The following TM9SF1 variants were observed in gnomAD, a reference collection of about 807,000 sequenced individuals.
TM9SF1 encodes MP70 protein family member.
A neutral mutation model predicts 52.4 loss-of-function variants in TM9SF1; 25 were observed. That is an observed-to-expected ratio of 0.48 (90% CI 0.35 to 0.67). TM9SF1 has a LOEUF of 0.67. Among genes scored for constraint, TM9SF1 ranks in the 30% least tolerant of loss-of-function variants. The pLI is 0.01. For missense variants in TM9SF1, 604 were observed against 780.3 expected (o/e 0.77, Z 2.69); for synonymous variants, 284 against 299.8 (o/e 0.95, Z 0.55).
In TM9SF1 at chr14:24,192,672, C is replaced by G; in HGVS notation, c.943G>C (p.Ala315Pro). ...GLLCAVLGVG[A>P]QFLALGTGII... ...CCAGTGCCAAGGGCCAGGAACTGGG[C>G]ACCCACGCCAAGCACAGCACAGAGC... The change falls in exon 3 of 6, where the codon GCC becomes CCC. Residue 315 changes from alanine (A) to proline (P), a missense_variant. By Grantham distance (27) the Ala-to-Pro change is conservative. Coordinates refer to ENST00000261789, the MANE Select transcript of TM9SF1 (RefSeq NM_006405.7). This position sits in a 1 kb window ranked among gnomAD's most constrained non-coding sequence, Gnocchi z 4.0. 2 of 1,575,146 alleles carry G rather than the reference C, an allele frequency of 1.3e-6. No homozygotes were observed. The highest frequency in any genetic ancestry group is 1.7e-6 in the Non-Finnish European group (2 of 1,160,480).
intron 4 of TM9SF1, among the ~76,000 whole-genome samples, 188 bp from the exon 5 acceptor site, chr14:24,190,841 T>C (rs2039310872): frequency 6.7e-6 from 1 of 149,424 alleles, no homozygotes. Context: ...CCCATTATTC[T>C]TTGTTCTGTG....
chr14:24,194,456 C>G (rs1490607984), intron 2 of TM9SF1, among the ~76,000 whole-genome samples: 1 of 152,180 alleles, frequency 6.6e-6, no homozygotes, highest in East Asian at 1.9e-4. Context: ...TTCTGCAAAT[C>G]ACTGTCCATG....
chr14:24,194,602 T>C, intron 2 of TM9SF1, 73 bp downstream of exon 2: 1 of 1,387,332 alleles, frequency 7.2e-7, no homozygotes, highest in East Asian at 2.3e-5. Flanking sequence ...AAAGGTACCC[T>C]GAACCATAAA....
rs191882152 is a variant in TM9SF1, at chr14:24,192,058, G to T, written c.1153+113C>A. ...AACTTTTGGGCTCAAGTGATCCTCCGGCCTCGGTCTCCCAAAGTGCTAGGA... is the reference window on the plus strand; with the variant it reads ...AACTTTTGGGCTCAAGTGATCCTCCTGCCTCGGTCTCCCAAAGTGCTAGGA... On this transcript the variant is annotated intron_variant, in intron 4 of 5. Transcript: ENST00000261789. The surrounding 1 kb of genome is among the most constrained non-coding windows in gnomAD (Gnocchi z 4.0). The T allele has an allele frequency of 9.2e-7, 1 of 1,091,800 alleles. No individual in the cohort carries two copies. The highest frequency in any genetic ancestry group is 1.4e-6 in the Non-Finnish European group (1 of 726,358). The allele number at this position is 1,091,800 out of a possible 1,614,324, so 67.6% of individuals were successfully genotyped here.
chr14:24,191,995 A>G, intron 4 of TM9SF1, 176 bp downstream of exon 4: 1 of 642,344 alleles, frequency 1.6e-6, no homozygotes, highest in South Asian at 1.8e-5. Flanking sequence ...TTTTTGTTAT[A>G]GAGAGAGGGT....
At chr14:24,191,200 C>A (rs1061838) in intron 4 of TM9SF1, among the ~76,000 whole-genome samples, 1 of 151,916 alleles carries the variant, frequency 6.6e-6, no homozygotes, top group Admixed American at 6.6e-5. Flanking sequence ...CATCCCCCAA[C>A]CCGGTGTCAT....
chr14:24,194,664 G>A lies in TM9SF1; in HGVS notation c.345+11C>T, dbSNP rs1159341184. ...GGAGGGCTACGTGATAGCCAATGTG[G>A]AGAGGCTGACCTGTGCAGAACTGAG... On this transcript the variant is annotated intron_variant, in intron 2 of 5. Coordinates refer to ENST00000261789, the MANE Select transcript of TM9SF1 (RefSeq NM_006405.7). 2.5e-6 allele frequency: 4 copies of A among 1,610,230 alleles called. No homozygotes were observed. Among genetic ancestry groups the A allele is most frequent in the Admixed American group, 1.7e-5 (1 of 59,886 alleles).
In TM9SF1 at chr14:24,189,685, A is replaced by C; in HGVS notation, c.1551T>G (p.Ile517Met). The C allele has an allele frequency of 6.2e-7, 1 of 1,614,192 alleles. No individual in the cohort carries two copies. The highest frequency in any genetic ancestry group is 8.5e-7 in the Non-Finnish European group (1 of 1,180,016). ...ILLSVGACIS[I>M]ALTYFQLSGE... is the part of the protein sequence containing the mutation. ...CAGACAACTGGAAGTAGGTGAGTGC[A>C]ATGGAGATGCAAGCCCCCACACTCA... Residue 517 changes from isoleucine to methionine, a missense_variant, in exon 6 of 6, where the codon ATT becomes ATG. Around this residue, in one of 3 missense-constraint regions of TM9SF1, gnomAD observed 107 missense variants for 180.5 expected, o/e 0.59. Transcript: ENST00000261789.
rs556069222 is a variant in TM9SF1, at chr14:24,194,939, C to G, written c.81G>C (p.Gly27=). 1 of 1,614,238 alleles carries G rather than the reference C, an allele frequency of 6.2e-7. No homozygotes were observed. Among genetic ancestry groups the G allele is most frequent in the African/African-American group, 1.3e-5 (1 of 75,066 alleles). Residue 27 remains glycine (G), a synonymous_variant, in exon 2 of 6, where the codon GGG becomes GGC. Transcript: ENST00000261789. ...ILILLLGTGH[G]PGVEGVTHYK... ...AGTGTGTCACGCCTTCCACCCCTGG[C>G]CCATGGCCTGTGCCCAGCAACAGTA...
At chr14:24,189,867 C>A in intron 5 of TM9SF1, 59 bp from the exon 6 acceptor site, 1 of 1,515,936 alleles carries the variant, frequency 6.6e-7, no homozygotes. Flanking sequence ...AGCACAGTGG[C>A]TGGGCTGAAA....
rs1348231460 is a variant in TM9SF1, at chr14:24,190,436, C to T, written c.1371G>A (p.Gln457=). The change falls in exon 5 of 6, where the codon CAG becomes CAA. Residue 457 remains glutamine, a synonymous_variant. Coordinates refer to ENST00000261789, the MANE Select transcript of TM9SF1 (RefSeq NM_006405.7). ...GGATGACAGTAGACTTGTACCAGGGCTGGGGTGGAATCTCCCGGGCGATGT... is the reference window on the plus strand; with the variant it reads ...GGATGACAGTAGACTTGTACCAGGGTTGGGGTGGAATCTCCCGGGCGATGT... ...TKNIAREIPP[Q]PWYKSTVIHM... is the part of the protein sequence containing the mutation. The T allele has an allele frequency of 1.2e-6, 2 of 1,612,482 alleles. No individual in the cohort carries two copies. Among genetic ancestry groups the T allele is most frequent in the South Asian group, 2.2e-5 (2 of 90,878 alleles).
In TM9SF1 at chr14:24,195,373, G is replaced by A. The variant is rs1036876862; in HGVS notation, c.-45C>T. The stretch of plus-strand genomic sequence containing the variant: ...CGCGGGAAGGGCTGGCCGAGGCGGC[G>A]CCAGCGGCCTTCGCGCCCCCGTAGC... On this transcript the variant is annotated 5_prime_UTR_variant, in exon 1 of 6. Transcript: ENST00000261789. 1 of 237,896 alleles carries A rather than the reference G, an allele frequency of 4.2e-6. No individual in the cohort carries two copies. The highest frequency in any genetic ancestry group is 8.3e-6 in the Non-Finnish European group (1 of 120,394). The allele number at this position is 237,896 out of a possible 1,614,324, so 14.7% of individuals were successfully genotyped here. A position where few individuals can be genotyped will look rare whatever the true frequency, so the allele number is the denominator to read the frequency against.
In TM9SF1 at chr14:24,192,679, G is replaced by A. The variant is rs149991411; in HGVS notation, c.936C>T (p.Gly312=). 20 of 1,581,468 alleles carry A rather than the reference G, an allele frequency of 1.3e-5. No homozygotes were observed. Among genetic ancestry groups the A allele is most frequent in the Middle Eastern group, 1.7e-4 (1 of 5,916 alleles). ...CAAGGGCCAGGAACTGGGCACCCAC[G>A]CCAAGCACAGCACAGAGCAGACCAC... The part of the protein sequence containing the change: ...PYRGLLCAVL[G]VGAQFLALGT... Residue 312 remains glycine, a synonymous_variant, in exon 3 of 6, where the codon GGC becomes GGT. Transcript: ENST00000261789. The surrounding 1 kb of genome is among the most constrained non-coding windows in gnomAD (Gnocchi z 4.0).
In TM9SF1 at chr14:24,192,664, G is replaced by A. The variant is rs775320385; in HGVS notation, c.951C>T (p.Phe317=). Reference sequence around the variant, plus strand: ...TCACCTCACCAGTGCCAAGGGCCAGGAACTGGGCACCCACGCCAAGCACAG... The same window carrying A: ...TCACCTCACCAGTGCCAAGGGCCAGAAACTGGGCACCCACGCCAAGCACAG... The part of the protein sequence containing the change: ...LCAVLGVGAQ[F]LALGTGIIVM... Residue 317 remains phenylalanine (F), a synonymous_variant, in exon 3 of 6, where the codon TTC becomes TTT. Coordinates refer to ENST00000261789, the MANE Select transcript of TM9SF1 (RefSeq NM_006405.7). This position sits in a 1 kb window ranked among gnomAD's most constrained non-coding sequence, Gnocchi z 4.0. The A allele has an allele frequency of 1.1e-5, 18 of 1,573,104 alleles. No individual in the cohort carries two copies. Among genetic ancestry groups the A allele is most frequent in the Admixed American group, 9.3e-5 (5 of 53,902 alleles).
chr14:24,193,691 C>A (rs1262735659), intron 2 of TM9SF1, among the ~76,000 whole-genome samples: 2 of 149,786 alleles, frequency 1.3e-5, no homozygotes, highest in African/African-American at 2.4e-5. Flanking sequence ...GAGGCCGAGG[C>A]GGGCAGATCA....
At position 24,194,757 on chromosome 14, in the gene TM9SF1, A is replaced by G; in HGVS notation, c.263T>C (p.Met88Thr). The G allele has an allele frequency of 6.2e-7, 1 of 1,614,238 alleles. No homozygotes were observed. The highest frequency in any genetic ancestry group is 8.5e-7 in the Non-Finnish European group (1 of 1,180,040). ...GCGGATCTCATACAAAGACTCAGCC[A>G]TTCGGTCCCCATCCAGCACTTCACC... ...SLGEVLDGDR[M>T]AESLYEIRFR... The change falls in exon 2 of 6, where the codon ATG becomes ACG. Residue 88 changes from methionine (M) to threonine (T), a missense_variant. By Grantham distance (81) the Met-to-Thr change is moderately conservative. Coordinates refer to ENST00000261789, the MANE Select transcript of TM9SF1 (RefSeq NM_006405.7).
intron 4 of TM9SF1, 111 bp from the exon 5 acceptor site, chr14:24,190,764 T>A: frequency 1.1e-6 from 1 of 928,364 alleles, no homozygotes; most frequent in Non-Finnish European, 1.6e-6. Context: ...CCTGCCACTC[T>A]AACGGCAGAC....
rs540575479 is a variant in TM9SF1, at chr14:24,192,618, T to C, written c.967+30A>G. ...CCCTACCTAGTTCTATCCCATGAGA[T>C]AAATCCCCAATTCATTTTTATCACC... is the stretch of plus-strand genomic sequence containing the variant. On this transcript the variant is annotated intron_variant, in intron 3 of 5. Transcript: ENST00000261789. This position sits in a 1 kb window ranked among gnomAD's most constrained non-coding sequence, Gnocchi z 4.0. 1 of 1,534,716 alleles carries C rather than the reference T, an allele frequency of 6.5e-7. No individual in the cohort carries two copies. The highest frequency in any genetic ancestry group is 1.4e-5 in the African/African-American group (1 of 72,392).
At chr14:24,190,803 G>A (rs375176824) in intron 4 of TM9SF1, 150 bp from the exon 5 acceptor site, 56 of 576,706 alleles carry the variant, frequency 9.7e-5, no homozygotes, top group African/African-American at 7.3e-4. Flanking sequence ...CTGCAGAGTC[G>A]ACTGCCTTCA....
Sources: allele counts gnomAD v4.1 joint callset (sites outside exome capture counted in the v4.1 genomes callset), GRCh38; gene constraint gnomAD v4.1.1; regional missense constraint gnomAD v4.1.1; non-coding constraint Gnocchi (gnomAD v3.1); transcripts MANE v1.5; gene names NCBI Gene and HGNC (gene_info 2026-07-23, HGNC 2026-07-21).